Variants in CASD1 observed in about 807,000 individuals in gnomAD.
CASD1 encodes the protein N-acetylneuraminate (7)9-O-acetyltransferase.
A neutral mutation model predicts 100.0 loss-of-function variants in CASD1; 41 were observed. The observed-to-expected ratio is 0.41, with a 90% CI of 0.32 to 0.53. CASD1 has a LOEUF of 0.53. Ranked by LOEUF, CASD1 falls within the 20% of genes least tolerant of loss-of-function variation. The pLI is 0.25. For missense variants in CASD1, 774 were observed against 948.7 expected (o/e 0.82, Z 2.42); for synonymous variants, 321 against 315.6 (o/e 1.02, Z -0.18).
chr7:94,600,779 T>G, the CASD1 span: 1 of 1,613,642 alleles, frequency 6.2e-7, no homozygotes, highest in Non-Finnish European at 8.5e-7. Flanking sequence ...GAAGGGGGTT[T>G]GTATTCTCCA....
chr7:94,551,478 G>A lies in CASD1; in HGVS notation c.1956G>A (p.Leu652=). Residue 652 remains leucine, a splice_region_variant and synonymous_variant, in exon 15 of 18, where the codon TTG becomes TTA. Transcript: ENST00000297273. ...TGTTTATTTCAGTAGTTTCTTTCTT[G>A]GTAAGTTTTGAAAACTTTCCAAAAT... ...FLLFISVVSF[L]TYSIWASSCK... 1.4e-6 allele frequency: 2 copies of A among 1,438,440 alleles called. No homozygotes were observed. Among genetic ancestry groups the A allele is most frequent in the Non-Finnish European group, 1.8e-6 (2 of 1,089,528 alleles). The allele number at this position is 1,438,440 out of a possible 1,614,324, so 89.1% of individuals were successfully genotyped here. A position where few individuals can be genotyped will look rare whatever the true frequency, so the allele number is the denominator to read the frequency against.
intron 16 of CASD1, chr7:94,553,200 TCA>T (rs1562950956): frequency 2.4e-6 from 1 of 414,274 alleles, no homozygotes; most frequent in Non-Finnish European, 4.8e-6. Flanking sequence ...TTTAAATGAC[TCA>T]CAACCTGTGC....
chr7:94,629,439 A>G, the CASD1 span: 1 of 332,410 alleles, frequency 3.0e-6, no homozygotes, highest in Non-Finnish European at 5.7e-6. Context: ...GTTTACAGCT[A>G]TAATTATTTC....
the CASD1 span, chr7:94,621,731 T>C: frequency 6.6e-6 from 1 of 152,230 alleles, no homozygotes; most frequent in African/African-American, 2.4e-5. Context: ...AACTTTTCAA[T>C]TATTCTGCTC....
the CASD1 span, among the ~76,000 whole-genome samples, chr7:94,633,896 C>T: frequency 1.3e-5 from 2 of 152,132 alleles, no homozygotes; most frequent in African/African-American, 4.8e-5. Flanking sequence ...ACACACAGCC[C>T]CTTCACTACA....
chr7:94,528,331 A>G (rs1341732487), intron 5 of CASD1, 81 bp downstream of exon 5: 2 of 954,588 alleles, frequency 2.1e-6, no homozygotes, highest in Non-Finnish European at 3.1e-6. Flanking sequence ...CCCTTTACTC[A>G]CTTGTCCCAC....
chr7:94,547,220 A>G (rs540466591), intron 13 of CASD1, 45 bp downstream of exon 13: 110 of 1,390,182 alleles, frequency 7.9e-5, no homozygotes, highest in Non-Finnish European at 1.1e-4. Context: ...ATTTTATTTT[A>G]AAGTTCAAGT....
chr7:94,599,857 G>A, the CASD1 span: 2 of 721,942 alleles, frequency 2.8e-6, no homozygotes, highest in Non-Finnish European at 5.0e-6. Context: ...GGCAGCATTT[G>A]CCACCAGGTT....
the CASD1 span, chr7:94,619,024 C>T: frequency 8.6e-7 from 1 of 1,156,340 alleles, no homozygotes; most frequent in Non-Finnish European, 1.3e-6. Flanking sequence ...AACAAAAGAA[C>T]AATTTGCGAT....
At chr7:94,600,879 A>G in the CASD1 span, 1 of 1,563,896 alleles carries the variant, frequency 6.4e-7, no homozygotes, top group African/African-American at 1.3e-5. Context: ...GAAGACAATT[A>G]CACAACAAAT....
the CASD1 span, chr7:94,598,662 T>C: frequency 1.2e-6 from 1 of 820,892 alleles, no homozygotes; most frequent in Non-Finnish European, 2.1e-6. Flanking sequence ...CTTTTGTTAT[T>C]TTCTCTTCCA....
At chr7:94,595,207 T>C in the CASD1 span, among the ~76,000 whole-genome samples, 1 of 152,170 alleles carries the variant, frequency 6.6e-6, no homozygotes, top group Non-Finnish European at 1.5e-5. Context: ...AAAAAGAAAA[T>C]ATTACTATGT....
At chr7:94,563,675 T>TC in the CASD1 span, among the ~76,000 whole-genome samples, 1 of 145,834 alleles carries the variant, frequency 6.9e-6, no homozygotes, top group South Asian at 2.2e-4. Flanking sequence ...TTAGCCCCCC[T>TC]CCCCCACGCC....
the CASD1 span, among the ~76,000 whole-genome samples, chr7:94,593,946 A>T: frequency 6.6e-6 from 1 of 152,076 alleles, no homozygotes; most frequent in African/African-American, 2.4e-5. Flanking sequence ...GAGCTCTACC[A>T]TAACATACAC....
the CASD1 span, among the ~76,000 whole-genome samples, chr7:94,577,606 A>G: frequency 6.6e-6 from 1 of 152,154 alleles, no homozygotes. Context: ...ACACAGCCCT[A>G]CACATTCATG....
chr7:94,594,342 C>G, the CASD1 span: 1 of 152,014 alleles, frequency 6.6e-6, no homozygotes, highest in Non-Finnish European at 1.5e-5. Flanking sequence ...CTATTAATGG[C>G]AACACTTATT....
chr7:94,570,204 TA>T, the CASD1 span, among the ~76,000 whole-genome samples: 1 of 152,208 alleles, frequency 6.6e-6, no homozygotes, highest in East Asian at 1.9e-4. Flanking sequence ...CCTGTCTTAT[TA>T]TTTTTTTGTC....
the CASD1 span, among the ~76,000 whole-genome samples, chr7:94,578,325 A>G: frequency 6.6e-6 from 1 of 152,196 alleles, no homozygotes. Context: ...AAAGTCTATA[A>G]GACTAATAGG....
At chr7:94,574,275 AT>A in the CASD1 span, among the ~76,000 whole-genome samples, 1 of 152,056 alleles carries the variant, frequency 6.6e-6, no homozygotes, top group African/African-American at 2.4e-5. Flanking sequence ...CACCTCCTTA[AT>A]TTTTTGGAAT....
Sources: gnomAD v4.1 joint callset for allele counts (sites outside exome capture counted in the v4.1 genomes callset) on GRCh38, gnomAD v4.1.1 for gene constraint, MANE v1.5 for transcripts, NCBI Gene and HGNC (gene_info 2026-07-23, HGNC 2026-07-21) for gene names.